PRKG1: variants seen among roughly 807,000 people sequenced by gnomAD.
The protein encoded by PRKG1 is cGMP-dependent protein kinase 1.
PRKG1 carries 35 observed loss-of-function variants against 88.1 expected under a neutral mutation model. The observed-to-expected ratio is 0.40, with a 90% confidence interval of 0.30 to 0.53. The LOEUF is 0.53. Among genes scored for constraint, PRKG1 ranks in the 20% least tolerant of loss-of-function variants. The probability of loss-of-function intolerance (pLI) is 0.59; values close to 1 mark genes in which losing one functional copy is unlikely to be tolerated. For synonymous variants in PRKG1, 303 were observed against 292.5 expected (o/e 1.04, Z -0.37); for missense variants, 540 against 839.8 (o/e 0.64, Z 4.41).
chr10:52,086,163 A>T (rs1486730309), intron 7 of PRKG1, among the ~76,000 whole-genome samples: 2 of 152,092 alleles, frequency 1.3e-5, no homozygotes, highest in East Asian at 1.9e-4. Flanking sequence ...TTCCAAAAAA[A>T]AGTTTACTCA....
intron 10 of PRKG1, among the ~76,000 whole-genome samples, chr10:52,267,222 C>A (rs1441395875): frequency 1.3e-5 from 2 of 151,014 alleles, no homozygotes; most frequent in African/African-American, 4.8e-5. Context: ...TCAACAAATA[C>A]AAATTGCTAT....
chr10:52,126,722 G>A (rs1339129202), intron 7 of PRKG1, among the ~76,000 whole-genome samples: 1 of 152,108 alleles, frequency 6.6e-6, no homozygotes, highest in Non-Finnish European at 1.5e-5. Context: ...GAAGTTTTAT[G>A]GATGAACTGA....
intron 3 of PRKG1, among the ~76,000 whole-genome samples, chr10:51,724,306 C>T (rs752326699): frequency 1.4e-4 from 22 of 152,092 alleles, no homozygotes; most frequent in Non-Finnish European, 7.4e-5. Context: ...AAGTTTCTCC[C>T]GTGATTATAA....
chr10:51,728,207 C>A (rs993490359), intron 3 of PRKG1, among the ~76,000 whole-genome samples: 1 of 151,658 alleles, frequency 6.6e-6, no homozygotes, highest in Non-Finnish European at 1.5e-5. Flanking sequence ...TTTTTTTTTA[C>A]CCCCAGACAA....
intron 5 of PRKG1, among the ~76,000 whole-genome samples, chr10:51,933,121 A>T (rs1842729491): frequency 1.3e-5 from 2 of 152,088 alleles, no homozygotes; most frequent in South Asian, 4.1e-4. Context: ...TCATGTGCGG[A>T]CTATACTGTG....
At chr10:52,016,911 A>T (rs1845055042) in intron 5 of PRKG1, among the ~76,000 whole-genome samples, 1 of 152,216 alleles carries the variant, frequency 6.6e-6, no homozygotes, top group African/African-American at 2.4e-5. Flanking sequence ...TAGGGCGGTC[A>T]GTCCTTCCTA....
At chr10:51,946,513 T>C (rs1405236398) in intron 5 of PRKG1, among the ~76,000 whole-genome samples, 1 of 152,096 alleles carries the variant, frequency 6.6e-6, no homozygotes, top group Admixed American at 6.5e-5. Flanking sequence ...GGAGATGTGT[T>C]CCTTTGGAAG....
chr10:51,565,769 CT>C (rs1489006966), intron 3 of PRKG1, among the ~76,000 whole-genome samples: 1 of 151,662 alleles, frequency 6.6e-6, no homozygotes, highest in Non-Finnish European at 1.5e-5. Flanking sequence ...CATAGAGCTT[CT>C]GGTTAAATGT....
At chr10:51,637,775 G>A (rs563066997) in intron 3 of PRKG1, among the ~76,000 whole-genome samples, 1 of 152,276 alleles carries the variant, frequency 6.6e-6, no homozygotes, top group African/African-American at 2.4e-5. Context: ...TTGGGCAGGG[G>A]GTGGAAGGAG....
chr10:51,191,828 G>A (rs2132041127), intron 2 of PRKG1, among the ~76,000 whole-genome samples: 1 of 151,774 alleles, frequency 6.6e-6, no homozygotes, highest in East Asian at 1.9e-4. Context: ...ATGAGTTGGG[G>A]AAGGTCTATT....
rs185345274 is a variant in PRKG1 at position 51,413,566 on chromosome 10, G to T, written c.479-54157G>T. On this transcript the variant is annotated intron_variant, in intron 2 of 17. Transcript: ENST00000373980. ...AGTAGAGATGGGGTTTCACCATGAT[G>T]GCCAGACTGGTCTCGAACTCCTGAC... is the stretch of plus-strand genomic sequence containing the variant. Among the ~76,000 whole-genome samples the T allele has an allele frequency of 2.0e-4, 31 of 152,066 alleles. No individual in the cohort carries two copies. In the East Asian group the frequency reaches 4.5e-3, roughly 22 times the overall value.
chr10:52,214,123 GATGA>G (rs994982465), intron 9 of PRKG1, among the ~76,000 whole-genome samples: 5 of 152,068 alleles, frequency 3.3e-5, no homozygotes, highest in Non-Finnish European at 7.4e-5. Flanking sequence ...AAGACACTGA[GATGA>G]ATATACACCC....
At chr10:51,814,524 G>T (rs1281808711) in intron 4 of PRKG1, among the ~76,000 whole-genome samples, 2 of 152,066 alleles carry the variant, frequency 1.3e-5, no homozygotes, top group African/African-American at 2.4e-5. Flanking sequence ...CTAGAAGTTT[G>T]TGAAACCTGC....
intron 1 of PRKG1, among the ~76,000 whole-genome samples, chr10:51,136,970 T>C (rs12573607): frequency 0.056 from 8,455 of 152,152 alleles, 321 homozygotes; most frequent in Middle Eastern, 0.12. Context: ...GGCGCCATCT[T>C]GCCTCCTGGG....
chr10:52,251,481 C>T (rs1225582676), intron 9 of PRKG1, 89 bp from the exon 10 acceptor site: 3 of 1,003,304 alleles, frequency 3.0e-6, no homozygotes, highest in Non-Finnish European at 4.7e-6. Flanking sequence ...AAACCCTGTT[C>T]CACAGTCATG....
chr10:52,033,072 C>T (rs934539521), intron 5 of PRKG1, among the ~76,000 whole-genome samples: 8 of 152,112 alleles, frequency 5.3e-5, no homozygotes, highest in Non-Finnish European at 8.8e-5. Flanking sequence ...CTATACCCAG[C>T]ATTCATTCAG....
intron 3 of PRKG1, among the ~76,000 whole-genome samples, chr10:51,501,651 G>A (rs1352793282): frequency 1.3e-5 from 2 of 152,058 alleles, no homozygotes; most frequent in Non-Finnish European, 2.9e-5. Flanking sequence ...AGCTTACATA[G>A]TATTTGTTAT....
At chr10:51,686,902 A>C (rs1193382800) in intron 3 of PRKG1, among the ~76,000 whole-genome samples, 3 of 151,888 alleles carry the variant, frequency 2.0e-5, no homozygotes, top group Non-Finnish European at 2.9e-5. Context: ...GGCCCGGCTA[A>C]TTTTTTGTAT....
chr10:51,624,004 A>T (rs895148349), intron 3 of PRKG1, among the ~76,000 whole-genome samples: 4 of 152,190 alleles, frequency 2.6e-5, no homozygotes, highest in Admixed American at 6.5e-5. Flanking sequence ...AGCGATCCAG[A>T]AATTGTTAAG....
Sources: allele counts gnomAD v4.1 joint callset (sites outside exome capture counted in the v4.1 genomes callset), GRCh38; gene constraint gnomAD v4.1.1; transcripts MANE v1.5; gene names NCBI Gene and HGNC (gene_info 2026-07-23, HGNC 2026-07-21).